The following NRG3 variants were observed in gnomAD, a reference collection of about 807,000 sequenced individuals.
NRG3 encodes neuregulin 3, also known as pro-neuregulin-3, membrane-bound isoform.
Under a neutral mutation model 66.9 loss-of-function variants are expected in NRG3, and 31 were observed. That is an observed-to-expected ratio of 0.46 (90% CI 0.35 to 0.63). The LOEUF (loss-of-function observed/expected upper bound fraction) is 0.63. Among genes scored for constraint, NRG3 ranks in the 20% least tolerant of loss-of-function variants. NRG3 has a pLI of 0.00. For missense variants in NRG3, 910 were observed against 878.9 expected, an observed-to-expected ratio of 1.04 and a Z score of -0.45; for synonymous variants, 393 against 359.4, an observed-to-expected ratio of 1.09 and a Z score of -1.06.
chr10:81,987,051 C>T (rs537809050), intron 1 of NRG3, among the ~76,000 whole-genome samples: 1 of 151,394 alleles, frequency 6.6e-6, no homozygotes, highest in Admixed American at 6.6e-5. Flanking sequence ...ACTATATTAC[C>T]CTGTATAGAT....
At chr10:82,942,611 G>C (rs1316426830) in intron 4 of NRG3, among the ~76,000 whole-genome samples, 1 of 152,240 alleles carries the variant, frequency 6.6e-6, no homozygotes, top group African/African-American at 2.4e-5. Flanking sequence ...CATTAGAACA[G>C]TGGAGAGAAT....
intron 1 of NRG3, among the ~76,000 whole-genome samples, chr10:82,171,999 T>G (rs1188862870): frequency 6.6e-6 from 1 of 152,202 alleles, no homozygotes; most frequent in East Asian, 1.9e-4. Context: ...GTAAATGGAA[T>G]TTGGGCTAAT....
chr10:82,771,023 T>C (rs115044543), intron 3 of NRG3, among the ~76,000 whole-genome samples: 3,037 of 152,246 alleles, frequency 0.02, 108 homozygotes, highest in African/African-American at 0.069. Context: ...CAAAGCTTTT[T>C]GAATTAATGA....
intron 2 of NRG3, among the ~76,000 whole-genome samples, chr10:82,482,345 A>G (rs990781910): frequency 1.3e-5 from 2 of 152,210 alleles, no homozygotes; most frequent in Admixed American, 1.3e-4. Flanking sequence ...GAATAGTCTG[A>G]TACCAAGACT....
rs574334069 is a variant in NRG3, at chr10:82,631,251, G to C, written c.954-107326G>C. ...TATTTACTAAGAAATATTGTAAATG[G>C]ATATGACAGACACCAATTCAAATTC... On this transcript the variant is annotated intron_variant, in intron 2 of 8. Transcript: ENST00000372141. 4.6e-5 allele frequency among the ~76,000 whole-genome samples: 7 copies of C among 152,252 alleles called. No individual in the cohort carries two copies. In the East Asian group the frequency reaches 1.3e-3, roughly 29 times the overall value.
At chr10:82,470,392 T>G (rs1416576447) in intron 2 of NRG3, among the ~76,000 whole-genome samples, 4 of 152,196 alleles carry the variant, frequency 2.6e-5, no homozygotes. Flanking sequence ...CTCTTGAGAA[T>G]GTATTATAAG....
chr10:82,789,328 T>G (rs1050545199), intron 3 of NRG3, among the ~76,000 whole-genome samples: 1 of 152,150 alleles, frequency 6.6e-6, no homozygotes, highest in African/African-American at 2.4e-5. Context: ...GTGTCCATTT[T>G]TAAATGAGTT....
chr10:82,367,952 G>A (rs980863574), intron 2 of NRG3, among the ~76,000 whole-genome samples: 5 of 152,038 alleles, frequency 3.3e-5, no homozygotes, highest in Admixed American at 1.3e-4. Flanking sequence ...GCAATAAGCC[G>A]AGATCATACC....
In NRG3 at chr10:82,492,158, A is replaced by G. The variant is rs371850219; in HGVS notation, c.953+133290A>G. Among the ~76,000 whole-genome samples, 13 of 152,298 alleles carry G rather than the reference A, an allele frequency of 8.5e-5. No individual in the cohort carries two copies. The East Asian group carries it at 1.9e-3, about 23-fold the overall frequency. On this transcript the variant is annotated intron_variant, in intron 2 of 8. Coordinates refer to ENST00000372141, the MANE Select transcript of NRG3 (RefSeq NM_001010848.4). ...CAAACTCTATTTGTCCATCACTTCT[A>G]AAACTCTTGATAATTTCCAATTGCT...
chr10:82,148,594 A>C (rs1413940678), intron 1 of NRG3, among the ~76,000 whole-genome samples: 1 of 152,042 alleles, frequency 6.6e-6, no homozygotes, highest in African/African-American at 2.4e-5. Flanking sequence ...AATCACCTGG[A>C]GTATAAAATA....
At chr10:82,097,437 ATAT>A (rs1214910024) in intron 1 of NRG3, among the ~76,000 whole-genome samples, 1 of 145,350 alleles carries the variant, frequency 6.9e-6, no homozygotes, top group Admixed American at 6.9e-5. Flanking sequence ...ATATATATAT[ATAT>A]ATCTGTAATA....
intron 1 of NRG3, among the ~76,000 whole-genome samples, chr10:81,928,942 C>T (rs1160768082): frequency 1.3e-5 from 2 of 152,148 alleles, no homozygotes; most frequent in Admixed American, 1.3e-4. Flanking sequence ...CCACCTGAGC[C>T]TTCCAAGTAG....
chr10:82,006,644 T>C (rs1316127720), intron 1 of NRG3, among the ~76,000 whole-genome samples: 2 of 152,180 alleles, frequency 1.3e-5, no homozygotes, highest in African/African-American at 4.8e-5. Context: ...TCTGATTTTT[T>C]TTCTTTCTCT....
chr10:82,354,363 C>G (rs73314455), intron 1 of NRG3, among the ~76,000 whole-genome samples: 16,970 of 150,426 alleles, frequency 0.11, 1,670 homozygotes, highest in East Asian at 0.26. Context: ...TTAACACAAA[C>G]AATTAGAAAA....
intron 1 of NRG3, among the ~76,000 whole-genome samples, chr10:81,936,192 TTAA>T (rs1847854432): frequency 6.6e-6 from 1 of 152,128 alleles, no homozygotes; most frequent in South Asian, 2.1e-4. Flanking sequence ...AACTGACATG[TTAA>T]TATATGTCAA....
chr10:82,659,702 A>C (rs1208156471), intron 2 of NRG3, among the ~76,000 whole-genome samples: 1 of 152,172 alleles, frequency 6.6e-6, no homozygotes, highest in African/African-American at 2.4e-5. Flanking sequence ...CTAAAGAAAA[A>C]AAAAATCAGT....
chr10:82,031,930 T>G (rs2062588040), intron 1 of NRG3, among the ~76,000 whole-genome samples: 1 of 152,000 alleles, frequency 6.6e-6, no homozygotes, highest in South Asian at 2.1e-4. Context: ...ACATCAATAA[T>G]TTTTTCACCT....
At chr10:81,899,690 C>G (rs1843848132) in intron 1 of NRG3, among the ~76,000 whole-genome samples, 1 of 152,218 alleles carries the variant, frequency 6.6e-6, no homozygotes, top group Non-Finnish European at 1.5e-5. Flanking sequence ...CATGAAGCTA[C>G]AGGCCTGAAG....
At chr10:82,851,095 G>C (rs561904041) in intron 3 of NRG3, among the ~76,000 whole-genome samples, 4 of 152,268 alleles carry the variant, frequency 2.6e-5, no homozygotes, top group Non-Finnish European at 5.9e-5. Context: ...AAAGTAAATA[G>C]AGTGACTGCC....
Sources: gnomAD v4.1 joint callset for allele counts (sites outside exome capture counted in the v4.1 genomes callset) on GRCh38, gnomAD v4.1.1 for gene constraint, MANE v1.5 for transcripts, NCBI Gene and HGNC (gene_info 2026-07-23, HGNC 2026-07-21) for gene names.